EPHA5: variants seen among roughly 807,000 people sequenced by gnomAD.
The protein encoded by EPHA5 is ephrin type-A receptor 5.
A neutral mutation model predicts 105.0 loss-of-function variants in EPHA5; 60 were observed. That is an observed-to-expected ratio of 0.57 (90% CI 0.46 to 0.71). The LOEUF is 0.71. EPHA5 is among the 30% of genes least tolerant of loss of function. The probability of loss-of-function intolerance (pLI) is 0.00; values close to 1 mark genes in which losing one functional copy is unlikely to be tolerated. For synonymous variants in EPHA5, 513 were observed against 449.1 expected, an observed-to-expected ratio of 1.14 and a Z score of -1.80; for missense variants, 1,218 against 1,274.7, an observed-to-expected ratio of 0.96 and a Z score of 0.68.
intron 5 of EPHA5, among the ~76,000 whole-genome samples, chr4:65,441,922 T>G (rs1726052383): frequency 6.6e-6 from 1 of 152,180 alleles, no homozygotes; most frequent in South Asian, 2.1e-4. Context: ...TTCTAACATT[T>G]ATAGAGCGTT....
intron 1 of EPHA5, among the ~76,000 whole-genome samples, chr4:65,662,630 C>CT (rs1379514981): frequency 6.6e-6 from 1 of 152,038 alleles, no homozygotes; most frequent in Non-Finnish European, 1.5e-5. Context: ...TTTATTTATT[C>CT]TTTTTTCTTT....
intron 2 of EPHA5, among the ~76,000 whole-genome samples, chr4:65,608,879 T>A (rs34172096): frequency 6.6e-6 from 1 of 152,006 alleles, no homozygotes; most frequent in Non-Finnish European, 1.5e-5. Flanking sequence ...TAAATTATTT[T>A]TTCTCTTTTT....
intron 2 of EPHA5, among the ~76,000 whole-genome samples, chr4:65,605,373 T>C (rs539200336): frequency 1.3e-5 from 2 of 152,300 alleles, no homozygotes; most frequent in South Asian, 2.1e-4. Flanking sequence ...CTGCCTCTCA[T>C]TGCTCTCTTG....
At chr4:65,522,941 T>A (rs1481915863) in intron 3 of EPHA5, among the ~76,000 whole-genome samples, 2 of 151,940 alleles carry the variant, frequency 1.3e-5, no homozygotes, top group East Asian at 3.9e-4. Flanking sequence ...TTGAGAATGT[T>A]ATCAAGGGAT....
In EPHA5 at chr4:65,360,279, G is replaced by A. The variant is rs372949668; in HGVS notation, c.2173+4738C>T. On this transcript the variant is annotated intron_variant, in intron 11 of 16. Coordinates refer to ENST00000613740, the MANE Select transcript of EPHA5 (RefSeq NM_001281766.3). ...ACTCTATAAAGGCAGAAACTCAGTC[G>A]GTTTAATCTCTGCTATAGCCCCACT... 1.1e-4 allele frequency among the ~76,000 whole-genome samples: 17 copies of A among 151,640 alleles called. No homozygotes were observed. The East Asian group carries it at 2.3e-3, about 21-fold the overall frequency.
chr4:65,412,882 A>G (rs1270976742), intron 7 of EPHA5, among the ~76,000 whole-genome samples: 1 of 152,136 alleles, frequency 6.6e-6, no homozygotes, highest in East Asian at 1.9e-4. Flanking sequence ...ACTGAGTAGA[A>G]TTTACAGTTG....
Position 65,389,560 on chromosome 4 carries a change from A to G in EPHA5, c.1793+14814T>C, listed in dbSNP as rs568023250. Among the ~76,000 whole-genome samples, 80 of 152,174 alleles carry G rather than the reference A, an allele frequency of 5.3e-4. 1 individual carries two copies. Among genetic ancestry groups the G allele is most frequent in the African/African-American group, 1.8e-3 (74 of 41,544 alleles). On this transcript the variant is annotated intron_variant, in intron 8 of 16. Transcript: ENST00000613740. ...AAATAATCAAAGCTACATGACTTCA[A>G]TTGAAATTCAACATGGATAATAGAT...
chr4:65,661,950 A>T (rs12508764), intron 1 of EPHA5, among the ~76,000 whole-genome samples: 32,377 of 152,158 alleles, frequency 0.21, 4,162 homozygotes, highest in Middle Eastern at 0.39. Flanking sequence ...TCTATTCTGC[A>T]GGCAGAGTCC....
chr4:65,353,298 T>G (rs1016631124), intron 11 of EPHA5, among the ~76,000 whole-genome samples, 195 bp from the exon 12 acceptor site: 1 of 147,336 alleles, frequency 6.8e-6, no homozygotes, highest in East Asian at 2.0e-4. Context: ...TTTTAATATA[T>G]TTAATATTTT....
chr4:65,593,151 AC>A (rs1353520580), intron 3 of EPHA5, among the ~76,000 whole-genome samples: 7 of 152,112 alleles, frequency 4.6e-5, no homozygotes, highest in African/African-American at 1.7e-4. Context: ...TAAATATGTA[AC>A]TCTTAAGTCA....
At chr4:65,521,733 T>A (rs531973738) in intron 3 of EPHA5, among the ~76,000 whole-genome samples, 1 of 152,072 alleles carries the variant, frequency 6.6e-6, no homozygotes, top group Admixed American at 6.6e-5. Flanking sequence ...TGAGTCAGTG[T>A]TGCTGAAATA....
chr4:65,517,498 G>A (rs1037728434), intron 3 of EPHA5, among the ~76,000 whole-genome samples: 3 of 151,672 alleles, frequency 2.0e-5, no homozygotes, highest in African/African-American at 7.3e-5. Flanking sequence ...TTTAATTGTA[G>A]AATTAAGCCA....
chr4:65,554,828 G>A (rs969080738), intron 3 of EPHA5, among the ~76,000 whole-genome samples: 1 of 151,436 alleles, frequency 6.6e-6, no homozygotes, highest in Non-Finnish European at 1.5e-5. Flanking sequence ...TAAGGCCTAT[G>A]TATATACTTG....
At chr4:65,329,133 C>G (rs560373954) in intron 16 of EPHA5, among the ~76,000 whole-genome samples, 2 of 151,474 alleles carry the variant, frequency 1.3e-5, no homozygotes, top group South Asian at 4.1e-4. Context: ...CAACTCACCT[C>G]AAGCTCACAA....
chr4:65,454,238 C>A (rs1453428971), intron 5 of EPHA5, among the ~76,000 whole-genome samples: 3 of 152,014 alleles, frequency 2.0e-5, no homozygotes, highest in Non-Finnish European at 4.4e-5. Flanking sequence ...CGAGTTCGTG[C>A]CATTGCACTC....
chr4:65,351,563 A>C lies in EPHA5; in HGVS notation c.2271T>G (p.Val757=), dbSNP rs2148855665. Residue 757 remains valine (V), a synonymous_variant, in exon 13 of 17, where the codon GTT becomes GTG. Transcript: ENST00000613740. ...NDGQFTVIQL[V]GMLRGISAGM... is the part of the protein sequence containing the mutation. ...CTGCAGAGATACCTCTCAGCATGCC[A>C]ACAAGCTGAATCACAGTGAACTGCC... 1 of 1,613,676 alleles carries C rather than the reference A, an allele frequency of 6.2e-7. No homozygotes were observed. The highest frequency in any genetic ancestry group is 8.5e-7 in the Non-Finnish European group (1 of 1,179,730).
intron 1 of EPHA5, among the ~76,000 whole-genome samples, chr4:65,655,128 C>T (rs1031791733): frequency 6.6e-6 from 1 of 151,468 alleles, no homozygotes; most frequent in Non-Finnish European, 1.5e-5. Flanking sequence ...ATCTATATCC[C>T]CTTTATCCTT....
intron 2 of EPHA5, among the ~76,000 whole-genome samples, chr4:65,614,776 G>A (rs1324750526): frequency 6.6e-6 from 1 of 151,732 alleles, no homozygotes; most frequent in African/African-American, 2.4e-5. Context: ...GCCAGCTTTG[G>A]GAAGTGTTTG....
intron 5 of EPHA5, among the ~76,000 whole-genome samples, chr4:65,469,864 T>C (rs1022920307): frequency 2.6e-4 from 39 of 152,146 alleles, no homozygotes; most frequent in African/African-American, 8.9e-4. Context: ...GTTCACTTAG[T>C]AAGAAAAAAC....
Sources: gnomAD v4.1 joint callset for allele counts (sites outside exome capture counted in the v4.1 genomes callset) on GRCh38, gnomAD v4.1.1 for gene constraint, MANE v1.5 for transcripts, NCBI Gene and HGNC (gene_info 2026-07-23, HGNC 2026-07-21) for gene names.